Variants in RNF126 observed in about 807,000 individuals in gnomAD.
The protein encoded by RNF126 is ring finger protein 126, also known as E3 ubiquitin-protein ligase RNF126.
A neutral mutation model predicts 41.9 loss-of-function variants in RNF126; 20 were observed. The ratio of observed to expected loss-of-function variants is 0.48; its 90% CI spans 0.34 to 0.69. The LOEUF (loss-of-function observed/expected upper bound fraction) is 0.69, where lower values mean the gene tolerates loss of function less well. Ranked by LOEUF, RNF126 falls within the 30% of genes least tolerant of loss-of-function variation. RNF126 has a pLI of 0.01. For synonymous variants in RNF126, 239 were observed against 202.9 expected (o/e 1.18, Z -1.51); for missense variants, 433 against 460.6 (o/e 0.94, Z 0.55).
At chr19:649,617 T>TC in intron 6 of RNF126, 62 bp downstream of exon 6, 2 of 1,373,908 alleles carry the variant, frequency 1.5e-6, no homozygotes, top group Non-Finnish European at 2.0e-6. Flanking sequence ...GTGGGGCAGC[T>TC]CCCAGGGGTG....
intron 6 of RNF126, chr19:649,432 C>T (rs1010142211): frequency 1.5e-5 from 8 of 540,546 alleles, no homozygotes; most frequent in Non-Finnish European, 2.7e-5. Flanking sequence ...TGACTGTGGG[C>T]GAGTCCTCCC....
At chr19:649,570 C>A (rs779646826) in intron 6 of RNF126, 109 bp downstream of exon 6, 84 of 834,166 alleles carry the variant, frequency 1.0e-4, no homozygotes, top group Non-Finnish European at 1.5e-4. Context: ...GTGCCCGCAT[C>A]CCCTTTGACC....
intron 6 of RNF126, chr19:649,186 G>A (rs1423930845): frequency 1.2e-5 from 4 of 324,920 alleles, no homozygotes; most frequent in South Asian, 1.2e-4. Context: ...GGGAATGGGC[G>A]GAGGCCCGCG....
intron 1 of RNF126, among the ~76,000 whole-genome samples, chr19:660,316 A>G (rs973600709): frequency 6.6e-6 from 1 of 152,256 alleles, no homozygotes; most frequent in Non-Finnish European, 1.5e-5. Context: ...GCGGGGCCTC[A>G]GCCTGATCCC....
chr19:648,785 A>G (rs886916124), intron 7 of RNF126, 97 bp downstream of exon 7: 9 of 788,402 alleles, frequency 1.1e-5, no homozygotes, highest in Middle Eastern at 3.8e-4. Context: ...CCTGACCAAC[A>G]TGGTGAAACC....
chr19:651,857 T>C lies in RNF126; in HGVS notation c.199-2A>G. 1 of 1,604,094 alleles carries C rather than the reference T, an allele frequency of 6.2e-7. No individual in the cohort carries two copies. On this transcript the variant is annotated splice_acceptor_variant, in intron 3 of 8. Transcript: ENST00000292363. LOFTEE classifies it high-confidence loss of function. ...CGTGAACAGGTGCTGGTCCACGTGC[T>C]GGGGAGAGGAGGGGGGCGTGACCTC...
At chr19:649,105 C>T (rs1186294619) in intron 6 of RNF126, 130 bp from the exon 7 acceptor site, 5 of 438,312 alleles carry the variant, frequency 1.1e-5, no homozygotes, top group South Asian at 8.8e-5. Context: ...CCTTGGAGCC[C>T]GCCCGGGGTC....
chr19:648,038 C>G lies in RNF126; in HGVS notation c.*90G>C. 7.2e-7 allele frequency: 1 copy of G among 1,397,180 alleles called. No homozygotes were observed. Among genetic ancestry groups the G allele is most frequent in the Non-Finnish European group, 9.5e-7 (1 of 1,057,212 alleles). 86.5% of individuals were successfully genotyped at this position (1,397,180 alleles called of 1,614,324 possible). On this transcript the variant is annotated 3_prime_UTR_variant, in exon 9 of 9. Transcript: ENST00000292363. ...CAGCGCTGACCAGCCAAGCGTGGCGCCGCCGGGGCACCCAGTCTGTGGGTG... is the reference window on the plus strand; with the variant it reads ...CAGCGCTGACCAGCCAAGCGTGGCGGCGCCGGGGCACCCAGTCTGTGGGTG...
chr19:648,364 G>GGGGGGGGGGGGGGGGGGGC lies in RNF126; in HGVS notation c.786+7_786+8insGCCCCCCCCCCCCCCCCCC. 2.0e-6 allele frequency: 1 copy of GGGGGGGGGGGGGGGGGGGC among 510,496 alleles called. No homozygotes were observed. Among genetic ancestry groups the GGGGGGGGGGGGGGGGGGGC allele is most frequent in the Non-Finnish European group, 3.6e-6 (1 of 278,362 alleles). 31.6% of individuals were successfully genotyped at this position (510,496 alleles called of 1,614,324 possible). A position where few individuals can be genotyped will look rare whatever the true frequency, so the allele number is the denominator to read the frequency against. ...CGGGGTGGGGGGGCGGGTGGGCGGGGCACTCACCTGCTCCAGCCAGGGCAC... is the reference window on the plus strand; with the variant it reads ...CGGGGTGGGGGGGCGGGTGGGCGGGGGGGGGGGGGGGGGGGGGGCCACTCACCTGCTCCAGCCAGGGCAC... On this transcript the variant is annotated splice_region_variant and intron_variant, in intron 8 of 8. Transcript: ENST00000292363.
chr19:660,205 G>A (rs376364796), intron 1 of RNF126, among the ~76,000 whole-genome samples: 5 of 152,232 alleles, frequency 3.3e-5, no homozygotes, highest in African/African-American at 7.2e-5. Context: ...CTGCACACAC[G>A]TGCCCACCAG....
In RNF126 at chr19:652,313, G is replaced by A. The variant is rs976726330; in HGVS notation, c.135-17C>T. 26 of 1,552,292 alleles carry A rather than the reference G, an allele frequency of 1.7e-5. No homozygotes were observed. Among genetic ancestry groups the A allele is most frequent in the African/African-American group, 2.7e-5 (2 of 73,086 alleles). ...TCTGTGCTCCTGGGGAGAGAGTGCA[G>A]GTCAGCAGTGCCGGCTACCCTGTGC... On this transcript the variant is annotated splice_polypyrimidine_tract_variant and intron_variant, in intron 2 of 8. Coordinates refer to ENST00000292363, the MANE Select transcript of RNF126 (RefSeq NM_194460.3).
Position 652,673 on chromosome 19 carries a change from G to A in RNF126, c.134+153C>T, listed in dbSNP as rs2030372791. 3 of 696,686 alleles carry A rather than the reference G, an allele frequency of 4.3e-6. No individual in the cohort carries two copies. In the East Asian group the frequency reaches 8.1e-5, roughly 19 times the overall value. The allele number at this position is 696,686 out of a possible 1,614,324, so 43.2% of individuals were successfully genotyped here. On this transcript the variant is annotated intron_variant, in intron 2 of 8. Coordinates refer to ENST00000292363, the MANE Select transcript of RNF126 (RefSeq NM_194460.3). ...CCATCACAGAAGAGAACGGCACGCTGCTGTCTGCACAGAGAAAAGTGCTCC... is the reference window on the plus strand; with the variant it reads ...CCATCACAGAAGAGAACGGCACGCTACTGTCTGCACAGAGAAAAGTGCTCC...
At chr19:653,940 A>C (rs367870751) in intron 1 of RNF126, among the ~76,000 whole-genome samples, 2 of 152,132 alleles carry the variant, frequency 1.3e-5, no homozygotes, top group Admixed American at 6.5e-5. Context: ...GAGTGCTGTG[A>C]GGGGAGCCAA....
intron 1 of RNF126, among the ~76,000 whole-genome samples, chr19:656,968 G>A (rs555849873): frequency 4.9e-4 from 75 of 152,284 alleles, no homozygotes; most frequent in African/African-American, 1.8e-3. Flanking sequence ...TGGGTCTCTG[G>A]GAATGGAGGG....
chr19:649,369 C>T, intron 6 of RNF126: 1 of 396,552 alleles, frequency 2.5e-6, no homozygotes, highest in South Asian at 4.7e-5. Flanking sequence ...CACTTGGAAG[C>T]AGGTCAGGGC....
At position 652,299 on chromosome 19, in the gene RNF126, G is replaced by T; in HGVS notation, c.135-3C>A. 6.4e-7 allele frequency: 1 copy of T among 1,558,798 alleles called. No homozygotes were observed. The highest frequency in any genetic ancestry group is 2.2e-5 in the Admixed American group (1 of 46,212). On this transcript the variant is annotated splice_polypyrimidine_tract_variant and splice_region_variant and intron_variant, in intron 2 of 8. Transcript: ENST00000292363. Reference sequence around the variant, plus strand: ...GGGCAGAACCATTTTCTGTGCTCCTGGGGAGAGAGTGCAGGTCAGCAGTGC... The same window carrying T: ...GGGCAGAACCATTTTCTGTGCTCCTTGGGAGAGAGTGCAGGTCAGCAGTGC...
intron 5 of RNF126, 34 bp from the exon 6 acceptor site, chr19:649,782 G>A (rs933081191): frequency 1.9e-5 from 28 of 1,505,944 alleles, no homozygotes; most frequent in African/African-American, 9.7e-5. Context: ...AGTGGCTGAC[G>A]GGCAGCTGGG....
chr19:650,855 G>C (rs1214024189), intron 4 of RNF126, among the ~76,000 whole-genome samples: 1 of 152,036 alleles, frequency 6.6e-6, no homozygotes, highest in Non-Finnish European at 1.5e-5. Flanking sequence ...GCCTCCCAAA[G>C]TGCTAGGATT....
chr19:649,080 C>T (rs2030125647), intron 6 of RNF126, 105 bp from the exon 7 acceptor site: 2 of 503,110 alleles, frequency 4.0e-6, no homozygotes, highest in Admixed American at 4.0e-5. Context: ...CCGCGTTTGT[C>T]CTGGGCCCTG....
Sources: gnomAD v4.1 joint callset for allele counts (sites outside exome capture counted in the v4.1 genomes callset) on GRCh38, gnomAD v4.1.1 for gene constraint, MANE v1.5 for transcripts, NCBI Gene and HGNC (gene_info 2026-07-23, HGNC 2026-07-21) for gene names.